The following TNFRSF10A variants were observed in gnomAD, a reference collection of about 807,000 sequenced individuals.
TNFRSF10A encodes the protein TNF receptor superfamily member 10a.
In TNFRSF10A, 44 loss-of-function variants were observed where a neutral mutation model predicts 42.8. The observed-to-expected ratio is 1.03, with a 90% confidence interval of 0.81 to 1.32. The LOEUF (loss-of-function observed/expected upper bound fraction) is 1.32, where lower values mean the gene tolerates loss of function less well. TNFRSF10A is among the 40% of genes most tolerant of loss of function. TNFRSF10A has a pLI of 0.00. For missense variants in TNFRSF10A, 680 were observed against 602.0 expected (o/e 1.13, Z -1.36); for synonymous variants, 259 against 234.2 (o/e 1.11, Z -0.97).
intron 1 of TNFRSF10A, among the ~76,000 whole-genome samples, chr8:23,216,489 A>G (rs1801184429): frequency 6.6e-6 from 1 of 152,126 alleles, no homozygotes; most frequent in Admixed American, 6.5e-5. Flanking sequence ...CACGCCTGTA[A>G]TCCCAGCACT....
At chr8:23,204,921 T>A (rs1249632002) in intron 2 of TNFRSF10A, among the ~76,000 whole-genome samples, 3 of 152,040 alleles carry the variant, frequency 2.0e-5, no homozygotes, top group Non-Finnish European at 4.4e-5. Context: ...ACAGAGAAAT[T>A]GTCTATTAAG....
intron 2 of TNFRSF10A, among the ~76,000 whole-genome samples, chr8:23,209,599 G>C (rs138943396): frequency 6.6e-6 from 1 of 152,192 alleles, no homozygotes; most frequent in Non-Finnish European, 1.5e-5. Context: ...TCATTTTGGA[G>C]CTTTAAGATC....
At chr8:23,214,289 C>A (rs1801143622) in intron 1 of TNFRSF10A, among the ~76,000 whole-genome samples, 1 of 151,994 alleles carries the variant, frequency 6.6e-6, no homozygotes, top group African/African-American at 2.4e-5. Flanking sequence ...AGATCGAGAC[C>A]ATCCTGGCTA....
In TNFRSF10A at chr8:23,224,839, C is replaced by T. The variant is rs769096409; in HGVS notation, c.223G>A (p.Gly75Arg). The T allele has an allele frequency of 6.4e-7, 1 of 1,566,062 alleles. No homozygotes were observed. Among genetic ancestry groups the T allele is most frequent in the South Asian group, 1.2e-5 (1 of 85,558 alleles). Residue 75 changes from glycine to arginine, a missense_variant, in exon 1 of 10, where the codon GGA becomes AGA. Transcript: ENST00000221132. The part of the protein sequence containing the change: ...SARARAGRAP[G>R]PRPAREASPR... ...CTGGCTTCCCGCGCCGGCCTGGGTC[C>T]TGGGGCGCGCCCTGCCCGGGCCCGG...
rs1251354727 is a variant in TNFRSF10A, at chr8:23,190,927, G to A, written c.*767C>T. 2.0e-5 allele frequency: 3 copies of A among 152,196 alleles called. No individual in the cohort carries two copies. The East Asian group carries it at 5.8e-4, about 29-fold the overall frequency. The allele number at this position is 152,196 out of a possible 1,614,324, so 9.4% of individuals were successfully genotyped here. A position where few individuals can be genotyped will look rare whatever the true frequency, so the allele number is the denominator to read the frequency against. Reference sequence around the variant, plus strand: ...TGTATGCCCTGGAGTCCAAGGGCTAGAAATCCTAGACTCTGATGTCCACAG... The same window carrying A: ...TGTATGCCCTGGAGTCCAAGGGCTAAAAATCCTAGACTCTGATGTCCACAG... On this transcript the variant is annotated 3_prime_UTR_variant, in exon 10 of 10. Transcript: ENST00000221132.
At chr8:23,224,677 C>T (rs1292283117) in intron 1 of TNFRSF10A, 79 bp downstream of exon 1, 17 of 1,478,448 alleles carry the variant, frequency 1.1e-5, no homozygotes, top group East Asian at 2.5e-5. Context: ...CAGGCACCCC[C>T]GCCGCGTCCC....
At chr8:23,218,341 T>C (rs4872087) in intron 1 of TNFRSF10A, among the ~76,000 whole-genome samples, 151,273 of 152,184 alleles carry the variant, frequency 0.99, 75,191 homozygotes, top group Middle Eastern at 1. Context: ...GTTTCAGAGG[T>C]AAGTTTGATA....
At chr8:23,192,974 T>G (rs1181479442) in intron 9 of TNFRSF10A, among the ~76,000 whole-genome samples, 1 of 152,258 alleles carries the variant, frequency 6.6e-6, no homozygotes, top group Non-Finnish European at 1.5e-5. Flanking sequence ...TCATTCATCT[T>G]GATTGTTTCC....
chr8:23,192,523 C>G (rs1800770605), intron 9 of TNFRSF10A, among the ~76,000 whole-genome samples: 1 of 152,158 alleles, frequency 6.6e-6, no homozygotes, highest in South Asian at 2.1e-4. Context: ...AAGAAGCAAA[C>G]CTGAAGACAG....
chr8:23,199,926 G>C lies in TNFRSF10A; in HGVS notation c.800-9C>G, dbSNP rs766459399. On this transcript the variant is annotated splice_polypyrimidine_tract_variant and intron_variant, in intron 6 of 9. Transcript: ENST00000221132. ...GGGGTCCCCTCCACAACCTAGAAGAGAAGACGGTTCCCTTAGTGGCCAGGG... is the reference window on the plus strand; with the variant it reads ...GGGGTCCCCTCCACAACCTAGAAGACAAGACGGTTCCCTTAGTGGCCAGGG... 7 of 1,613,616 alleles carry C rather than the reference G, an allele frequency of 4.3e-6. No homozygotes were observed. The Admixed American group carries it at 1.0e-4, about 23-fold the overall frequency.
chr8:23,214,049 T>A (rs1334508846), intron 1 of TNFRSF10A, among the ~76,000 whole-genome samples: 1 of 151,936 alleles, frequency 6.6e-6, no homozygotes, highest in Non-Finnish European at 1.5e-5. Context: ...TCTTTCTTTT[T>A]TGAGGGGGGT....
At chr8:23,219,006 C>A (rs1212522836) in intron 1 of TNFRSF10A, among the ~76,000 whole-genome samples, 1 of 152,112 alleles carries the variant, frequency 6.6e-6, no homozygotes, top group Non-Finnish European at 1.5e-5. Flanking sequence ...TCCTCTAAGC[C>A]ACCAATACCA....
At chr8:23,203,625 T>C (rs1483814818) in intron 2 of TNFRSF10A, among the ~76,000 whole-genome samples, 3 of 152,348 alleles carry the variant, frequency 2.0e-5, no homozygotes, top group Admixed American at 6.5e-5. Flanking sequence ...CTGATTCATA[T>C]TTACTGATAT....
intron 1 of TNFRSF10A, among the ~76,000 whole-genome samples, chr8:23,217,730 C>T (rs186102327): frequency 1.3e-5 from 2 of 152,234 alleles, no homozygotes; most frequent in Non-Finnish European, 2.9e-5. Flanking sequence ...CCATGTTACT[C>T]ATTCATCCAA....
At chr8:23,199,851 C>G in intron 7 of TNFRSF10A, 35 bp downstream of exon 7, 2 of 1,614,160 alleles carry the variant, frequency 1.2e-6, no homozygotes, top group Non-Finnish European at 1.7e-6. Flanking sequence ...TTCCTGAGCC[C>G]CTGATGCCCC....
chr8:23,206,567 C>T (rs1801012386), intron 2 of TNFRSF10A, among the ~76,000 whole-genome samples: 1 of 152,184 alleles, frequency 6.6e-6, no homozygotes, highest in African/African-American at 2.4e-5. Flanking sequence ...CCTAGGGATG[C>T]AGTAGGCTAT....
At chr8:23,218,210 T>C (rs1487580628) in intron 1 of TNFRSF10A, among the ~76,000 whole-genome samples, 1 of 151,154 alleles carries the variant, frequency 6.6e-6, no homozygotes, top group Non-Finnish European at 1.5e-5. Context: ...GAGAGAGAGG[T>C]CTTGTTCCAG....
chr8:23,199,918 C>A lies in TNFRSF10A; in HGVS notation c.800-1G>T. 6.2e-7 allele frequency: 1 copy of A among 1,614,098 alleles called. No homozygotes were observed. Among genetic ancestry groups the A allele is most frequent in the East Asian group, 2.2e-5 (1 of 44,856 alleles). On this transcript the variant is annotated splice_acceptor_variant, in intron 6 of 9. Coordinates refer to ENST00000221132, the MANE Select transcript of TNFRSF10A (RefSeq NM_003844.4). LOFTEE classifies it high-confidence loss of function. ...ATGCACTTGGGGTCCCCTCCACAAC[C>A]TAGAAGAGAAGACGGTTCCCTTAGT...
At chr8:23,194,762 T>A (rs1800800029) in intron 9 of TNFRSF10A, among the ~76,000 whole-genome samples, 1 of 152,164 alleles carries the variant, frequency 6.6e-6, no homozygotes, top group African/African-American at 2.4e-5. Flanking sequence ...ATGAAAGAAT[T>A]GAGTAAATGT....
Sources: gnomAD v4.1 joint callset for allele counts (sites outside exome capture counted in the v4.1 genomes callset) on GRCh38, gnomAD v4.1.1 for gene constraint, MANE v1.5 for transcripts, NCBI Gene and HGNC (gene_info 2026-07-23, HGNC 2026-07-21) for gene names.